The following BAIAP2 variants were observed in gnomAD, a reference collection of about 807,000 sequenced individuals.
BAIAP2 encodes the protein BAR/IMD domain containing adaptor protein 2, also known as BAR/IMD domain-containing adapter protein 2.
BAIAP2 carries 18 observed loss-of-function variants against 63.0 expected under a neutral mutation model. The ratio of observed to expected loss-of-function variants is 0.29; its 90% CI spans 0.20 to 0.42. BAIAP2 has a LOEUF of 0.42. Ranked by LOEUF, BAIAP2 falls within the 10% of genes least tolerant of loss-of-function variation. BAIAP2 has a pLI of 1.00. For missense variants in BAIAP2, 610 were observed against 734.3 expected (o/e 0.83, Z 1.96); for synonymous variants, 386 against 307.6 (o/e 1.25, Z -2.67).
At chr17:81,098,339 T>A (rs2057991033) in intron 6 of BAIAP2, 1 of 529,784 alleles carries the variant, frequency 1.9e-6, no homozygotes, top group Non-Finnish European at 2.9e-6. Flanking sequence ...CTCTCCAGTT[T>A]CCTCCCGAGG....
chr17:81,109,816 C>T, intron 13 of BAIAP2: 2 of 985,432 alleles, frequency 2.0e-6, no homozygotes, highest in Non-Finnish European at 2.4e-6. Context: ...CCACCCCACC[C>T]CCACATTCCT....
At chr17:81,040,582 G>A (rs1046332703) in intron 1 of BAIAP2, among the ~76,000 whole-genome samples, 4 of 152,290 alleles carry the variant, frequency 2.6e-5, no homozygotes, top group Admixed American at 2.6e-4. Flanking sequence ...ACGGCGGCCA[G>A]CCTGTGAGGG....
intron 6 of BAIAP2, among the ~76,000 whole-genome samples, chr17:81,095,342 C>T (rs530750212): frequency 4.1e-4 from 63 of 152,306 alleles, no homozygotes; most frequent in African/African-American, 1.5e-3. Flanking sequence ...ATAGGTCATC[C>T]CCGTCCAACA....
chr17:81,096,056 G>C (rs2057563856), intron 6 of BAIAP2, among the ~76,000 whole-genome samples: 1 of 152,124 alleles, frequency 6.6e-6, no homozygotes. Context: ...AGGAGACCCA[G>C]GGGGCCCTGC....
intron 3 of BAIAP2, among the ~76,000 whole-genome samples, chr17:81,084,202 C>T (rs1014648418): frequency 1.3e-5 from 2 of 152,222 alleles, no homozygotes; most frequent in Non-Finnish European, 2.9e-5. Flanking sequence ...GGCCAGCGTG[C>T]ACCAGGGTGG....
At position 81,043,123 on chromosome 17, in the gene BAIAP2, T is replaced by C. The variant is rs1598488876; in HGVS notation, c.54+7815T>C. 3.9e-5 allele frequency among the ~76,000 whole-genome samples: 6 copies of C among 152,276 alleles called. 1 individual carries two copies. The South Asian group carries it at 1.2e-3, about 32-fold the overall frequency. ...GTCAAATGATCCTCCCACCTCGGCC[T>C]CCCAGAGTGCTGGGATTACAGGCGT... is the stretch of plus-strand genomic sequence containing the variant. On this transcript the variant is annotated intron_variant, in intron 1 of 13. Coordinates refer to ENST00000428708, the MANE Select transcript of BAIAP2 (RefSeq NM_001144888.2).
At chr17:81,051,536 A>AT (rs1228580804) in intron 1 of BAIAP2, among the ~76,000 whole-genome samples, 2 of 152,148 alleles carry the variant, frequency 1.3e-5, no homozygotes, top group South Asian at 2.1e-4. Flanking sequence ...AGTAGCTGGG[A>AT]TTACAGGCGT....
rs901066754 is a variant in BAIAP2 at position 81,116,001 on chromosome 17, G to A, written c.*162G>A. ...CCTGGACTGGATCCCAGCTGTTCTA[G>A]GCAGGGCCGGGCAGAGTGGGGCGCA... On this transcript the variant is annotated 3_prime_UTR_variant, in exon 14 of 14. Coordinates refer to ENST00000428708, the MANE Select transcript of BAIAP2 (RefSeq NM_001144888.2). The A allele has an allele frequency of 1.4e-6, 2 of 1,468,618 alleles. No individual in the cohort carries two copies. The highest frequency in any genetic ancestry group is 1.8e-6 in the Non-Finnish European group (2 of 1,112,220). 91.0% of individuals were successfully genotyped at this position (1,468,618 alleles called of 1,614,324 possible). A position where few individuals can be genotyped will look rare whatever the true frequency, so the allele number is the denominator to read the frequency against.
At chr17:81,069,612 A>G (rs1314658672) in intron 3 of BAIAP2, among the ~76,000 whole-genome samples, 1 of 151,890 alleles carries the variant, frequency 6.6e-6, no homozygotes, top group Non-Finnish European at 1.5e-5. Context: ...CCTTTTCGGG[A>G]GGTGTAGTCT....
At chr17:81,093,224 G>A (rs765479010) in intron 6 of BAIAP2, among the ~76,000 whole-genome samples, 6 of 152,100 alleles carry the variant, frequency 3.9e-5, no homozygotes, top group East Asian at 3.9e-4. Flanking sequence ...TGGGGCAGCC[G>A]GGCCCCTGCT....
At chr17:81,108,818 C>T in intron 13 of BAIAP2, 1 of 1,285,134 alleles carries the variant, frequency 7.8e-7, no homozygotes, top group Non-Finnish European at 1.0e-6. Context: ...CTGCCCCAAT[C>T]TGTGCTCCGC....
At chr17:81,077,052 A>G (rs939156294) in intron 3 of BAIAP2, among the ~76,000 whole-genome samples, 6 of 152,046 alleles carry the variant, frequency 3.9e-5, no homozygotes, top group African/African-American at 1.4e-4. Flanking sequence ...GAAAAGCCAA[A>G]TGTAGAGGGT....
Position 81,085,868 on chromosome 17 carries a change from C to T in BAIAP2, c.351+143C>T, listed in dbSNP as rs549680603. 114 of 660,690 alleles carry T rather than the reference C, an allele frequency of 1.7e-4. No homozygotes were observed. The African/African-American group carries it at 1.8e-3, about 10-fold the overall frequency. The allele number at this position is 660,690 out of a possible 1,614,324, so 40.9% of individuals were successfully genotyped here. ...TGGGCCCCAGCTCTGACTTTATTGTCCATTTGGGACCGAGTGCCCCTGGTG... is the reference window on the plus strand; with the variant it reads ...TGGGCCCCAGCTCTGACTTTATTGTTCATTTGGGACCGAGTGCCCCTGGTG... On this transcript the variant is annotated intron_variant, in intron 5 of 13. Transcript: ENST00000428708.
chr17:81,110,870 C>T (rs753278148), intron 13 of BAIAP2: 4 of 1,613,232 alleles, frequency 2.5e-6, no homozygotes, highest in Non-Finnish European at 3.4e-6. Context: ...CCCGAGTCCT[C>T]AGACCCCATG....
In BAIAP2 at chr17:81,103,698, C is replaced by T. The variant is rs1222303162; in HGVS notation, c.839C>T (p.Pro280Leu). The change falls in exon 8 of 14, where the codon CCC becomes CTC. Residue 280 changes from proline to leucine, a missense_variant. By Grantham distance (98) the Pro-to-Leu change is moderately conservative. Coordinates refer to ENST00000428708, the MANE Select transcript of BAIAP2 (RefSeq NM_001144888.2). Reference sequence around the variant, plus strand: ...CCGGGGGCCAAGCCCCTGCCGGTGCCCCCCGAGCTGGCACCGTTCGTGGGG... The same window carrying T: ...CCGGGGGCCAAGCCCCTGCCGGTGCTCCCCGAGCTGGCACCGTTCGTGGGG... ...PIPGAKPLPV[P>L]PELAPFVGRM... is the part of the protein sequence containing the mutation. 2 of 1,593,886 alleles carry T rather than the reference C, an allele frequency of 1.3e-6. No individual in the cohort carries two copies. Among genetic ancestry groups the T allele is most frequent in the Admixed American group, 3.4e-5 (2 of 58,238 alleles).
intron 3 of BAIAP2, among the ~76,000 whole-genome samples, chr17:81,068,176 C>T (rs980019141): frequency 7.2e-5 from 11 of 152,198 alleles, no homozygotes; most frequent in South Asian, 2.1e-4. Context: ...AGATGACGGC[C>T]GGTGCTCTCA....
At chr17:81,082,276 A>C (rs922125555) in intron 3 of BAIAP2, among the ~76,000 whole-genome samples, 4 of 152,016 alleles carry the variant, frequency 2.6e-5, no homozygotes, top group Non-Finnish European at 5.9e-5. Flanking sequence ...GTGCGTGCCC[A>C]CTCACATAGG....
At chr17:81,085,842 A>G (rs2055517866) in intron 5 of BAIAP2, 117 bp downstream of exon 5, 4 of 769,138 alleles carry the variant, frequency 5.2e-6, no homozygotes, top group Non-Finnish European at 8.6e-6. Flanking sequence ...CCCCGTCCAC[A>G]TGGGCCCCAG....
In BAIAP2 at chr17:81,116,120, C is replaced by T. The variant is rs1311573280; in HGVS notation, c.*281C>T. ...GCCTCTGGTCACATGGCCATGGAGCCTTGGGTACCCCTGAGTTAAGGGAGG... is the reference window on the plus strand; with the variant it reads ...GCCTCTGGTCACATGGCCATGGAGCTTTGGGTACCCCTGAGTTAAGGGAGG... On this transcript the variant is annotated 3_prime_UTR_variant, in exon 14 of 14. Coordinates refer to ENST00000428708, the MANE Select transcript of BAIAP2 (RefSeq NM_001144888.2). The T allele has an allele frequency of 1.3e-6, 2 of 1,570,498 alleles. No homozygotes were observed. Among genetic ancestry groups the T allele is most frequent in the Non-Finnish European group, 1.7e-6 (2 of 1,160,092 alleles).
Sources: gnomAD v4.1 joint callset for allele counts (sites outside exome capture counted in the v4.1 genomes callset) on GRCh38, gnomAD v4.1.1 for gene constraint, MANE v1.5 for transcripts, NCBI Gene and HGNC (gene_info 2026-07-23, HGNC 2026-07-21) for gene names.